SGCD: variants seen among roughly 807,000 people sequenced by gnomAD.
The protein encoded by SGCD is sarcoglycan delta.
In SGCD, 18 loss-of-function variants were observed where a neutral mutation model predicts 36.6. The observed-to-expected ratio is 0.49, with a 90% CI of 0.34 to 0.73. SGCD has a LOEUF of 0.73. Among genes scored for constraint, SGCD ranks in the 30% least tolerant of loss-of-function variants. SGCD has a pLI of 0.01. For missense variants in SGCD, 387 were observed against 346.7 expected (o/e 1.12, Z -0.92); for synonymous variants, 133 against 130.6 (o/e 1.02, Z -0.12).
chr5:156,413,285 A>G (rs1772865671), intron 3 of SGCD, among the ~76,000 whole-genome samples: 1 of 152,200 alleles, frequency 6.6e-6, no homozygotes, highest in African/African-American at 2.4e-5. Flanking sequence ...TCCTGGGAGG[A>G]GTGACACTTA....
At chr5:156,053,146 T>C (rs1169805624) in intron 1 of SGCD, among the ~76,000 whole-genome samples, 1 of 146,556 alleles carries the variant, frequency 6.8e-6, no homozygotes, top group East Asian at 1.9e-4. Context: ...GCACTGCCAG[T>C]TGGGGCATTT....
upstream of SGCD, among the ~76,000 whole-genome samples, chr5:156,325,530 GTCAGTAAGA>G (rs1405827262): frequency 6.6e-6 from 1 of 152,172 alleles, no homozygotes; most frequent in Non-Finnish European, 1.5e-5. Flanking sequence ...AGGGTTTATA[GTCAGTAAGA>G]TGCAGAGCTA....
chr5:156,394,423 G>A (rs1771747276), intron 3 of SGCD, among the ~76,000 whole-genome samples: 1 of 152,192 alleles, frequency 6.6e-6, no homozygotes, highest in Non-Finnish European at 1.5e-5. Flanking sequence ...GAATTAACAT[G>A]ATGGAGAAGA....
chr5:156,166,374 T>C (rs1377818730), intron 3 of SGCD, among the ~76,000 whole-genome samples: 2 of 152,160 alleles, frequency 1.3e-5, no homozygotes, highest in Non-Finnish European at 2.9e-5. Flanking sequence ...TGGAGCGCAG[T>C]AGCACAATCT....
intron 3 of SGCD, among the ~76,000 whole-genome samples, chr5:156,284,776 C>A (rs980280226): frequency 4.6e-5 from 7 of 152,084 alleles, no homozygotes; most frequent in African/African-American, 1.2e-4. Context: ...ACAGGGATGC[C>A]CTCTCTCACC....
At chr5:156,325,491 C>G (rs1357510532), upstream of SGCD, among the ~76,000 whole-genome samples, 1 of 152,074 alleles carries the variant, frequency 6.6e-6, no homozygotes, top group Non-Finnish European at 1.5e-5. Flanking sequence ...GATGAGGAAA[C>G]AGATCGAGAG....
chr5:156,441,606 G>A (rs1753494246), intron 3 of SGCD, among the ~76,000 whole-genome samples: 1 of 152,132 alleles, frequency 6.6e-6, no homozygotes, highest in African/African-American at 2.4e-5. Flanking sequence ...ATTGAAAGAT[G>A]ATTGCACAGA....
the SGCD span, among the ~76,000 whole-genome samples, chr5:155,777,984 G>T: frequency 6.6e-6 from 1 of 152,082 alleles, no homozygotes; most frequent in African/African-American, 2.4e-5. Flanking sequence ...TATTGCTCTA[G>T]AGAGACATAT....
chr5:156,054,057 A>G (rs1759992770), intron 1 of SGCD, among the ~76,000 whole-genome samples: 1 of 145,938 alleles, frequency 6.9e-6, no homozygotes, highest in Admixed American at 6.8e-5. Context: ...TGAGAGGGAC[A>G]CCAACATTCA....
the SGCD span, among the ~76,000 whole-genome samples, chr5:155,763,967 AAG>A: frequency 6.6e-6 from 1 of 152,112 alleles, no homozygotes; most frequent in Non-Finnish European, 1.5e-5. Flanking sequence ...ATTATTTGGA[AAG>A]AGAGACTGCA....
chr5:156,197,472 C>CTTTTTTTTTTTTTT (rs368116194), intron 3 of SGCD, among the ~76,000 whole-genome samples: 3 of 134,000 alleles, frequency 2.2e-5, no homozygotes, highest in Admixed American at 1.5e-4. Flanking sequence ...AATAGTTTTC[C>CTTTTTTTTTTTTTT]TTTTTTTTTT....
intron 1 of SGCD, among the ~76,000 whole-genome samples, chr5:155,965,861 A>G (rs180692101): frequency 4.5e-4 from 69 of 152,210 alleles, no homozygotes; most frequent in Non-Finnish European, 2.1e-4. Flanking sequence ...TTTTGTGTTT[A>G]TCTTTATTCC....
At chr5:156,104,249 TCCA>T (rs1214226147) in intron 1 of SGCD, among the ~76,000 whole-genome samples, 1 of 152,152 alleles carries the variant, frequency 6.6e-6, no homozygotes, top group African/African-American at 2.4e-5. Context: ...CAGGGTTAAT[TCCA>T]TGGGAATTCT....
At chr5:156,155,182 C>G (rs1561542556) in intron 3 of SGCD, among the ~76,000 whole-genome samples, 1 of 151,556 alleles carries the variant, frequency 6.6e-6, no homozygotes, top group South Asian at 2.1e-4. Flanking sequence ...AAGTATTTCT[C>G]TATGAAAAAT....
At chr5:155,794,947 C>T in the SGCD span, among the ~76,000 whole-genome samples, 4 of 151,950 alleles carry the variant, frequency 2.6e-5, no homozygotes, top group South Asian at 2.1e-4. Flanking sequence ...GGGAAAGTAG[C>T]CAAGAAAAAT....
At chr5:155,835,002 A>AT in the SGCD span, among the ~76,000 whole-genome samples, 420 of 60,156 alleles carry the variant, frequency 7.0e-3, 29 homozygotes, top group African/African-American at 0.017. Flanking sequence ...TGCCCAGCTA[A>AT]TTTTTTTTTT....
At chr5:155,823,505 T>C in the SGCD span, among the ~76,000 whole-genome samples, 1 of 152,148 alleles carries the variant, frequency 6.6e-6, no homozygotes, top group African/African-American at 2.4e-5. Context: ...ACATTTAATC[T>C]GGGCACCCCA....
intron 4 of SGCD, among the ~76,000 whole-genome samples, chr5:156,582,255 A>T (rs1760293586): frequency 6.6e-6 from 1 of 152,160 alleles, no homozygotes; most frequent in Non-Finnish European, 1.5e-5. Context: ...GTCAAGTGCC[A>T]CCTTTCCAGC....
chr5:156,722,981 T>C (rs1347000677), intron 7 of SGCD, among the ~76,000 whole-genome samples: 1 of 152,210 alleles, frequency 6.6e-6, no homozygotes, highest in Non-Finnish European at 1.5e-5. Context: ...AAAAGCTTTT[T>C]GTATAATCTT....
Sources: gnomAD v4.1 joint callset for allele counts (sites outside exome capture counted in the v4.1 genomes callset) on GRCh38, gnomAD v4.1.1 for gene constraint, MANE v1.5 for transcripts, NCBI Gene and HGNC (gene_info 2026-07-23, HGNC 2026-07-21) for gene names.